JAZF1: variants seen among roughly 807,000 people sequenced by gnomAD.
JAZF1 encodes the protein JAZF zinc finger 1, also known as juxtaposed with another zinc finger protein 1.
A neutral mutation model predicts 26.4 loss-of-function variants in JAZF1; 8 were observed. The ratio of observed to expected loss-of-function variants is 0.30; its 90% CI spans 0.18 to 0.55. The LOEUF (loss-of-function observed/expected upper bound fraction) is 0.55. Among genes scored for constraint, JAZF1 ranks in the 20% least tolerant of loss-of-function variants. JAZF1 has a pLI of 0.94. For missense variants in JAZF1, 199 were observed against 322.0 expected, an observed-to-expected ratio of 0.62 and a Z score of 2.92; for synonymous variants, 126 against 122.3, an observed-to-expected ratio of 1.03 and a Z score of -0.20.
At chr7:28,090,881 C>T (rs1784284853) in intron 1 of JAZF1, among the ~76,000 whole-genome samples, 1 of 142,330 alleles carries the variant, frequency 7.0e-6, no homozygotes, top group African/African-American at 2.7e-5. Flanking sequence ...CTGCGGACTG[C>T]AGTGGCGCGA....
intron 1 of JAZF1, among the ~76,000 whole-genome samples, chr7:27,994,469 A>C (rs1293294464): frequency 1.5e-5 from 1 of 67,816 alleles, no homozygotes; most frequent in African/African-American, 4.9e-5. Flanking sequence ...AAACAAAAAA[A>C]AACACACACA....
intron 1 of JAZF1, among the ~76,000 whole-genome samples, chr7:28,014,584 C>T (rs1314022507): frequency 6.6e-6 from 1 of 152,224 alleles, no homozygotes; most frequent in Admixed American, 6.5e-5. Context: ...TAAGACATGA[C>T]TTGCTCCTCC....
chr7:28,152,451 T>A (rs1783126151), intron 1 of JAZF1, among the ~76,000 whole-genome samples: 1 of 152,216 alleles, frequency 6.6e-6, no homozygotes, highest in Non-Finnish European at 1.5e-5. Context: ...GTTACCCCAC[T>A]GTGCTACTGA....
At chr7:28,093,390 G>A (rs1262088556) in intron 1 of JAZF1, among the ~76,000 whole-genome samples, 2 of 152,152 alleles carry the variant, frequency 1.3e-5, no homozygotes, top group African/African-American at 2.4e-5. Flanking sequence ...ATGATTGTGA[G>A]GCCTCCCCAG....
chr7:27,992,150 A>C (rs1785919530), intron 1 of JAZF1, 169 bp from the exon 2 acceptor site: 3 of 681,226 alleles, frequency 4.4e-6, no homozygotes, highest in Non-Finnish European at 8.3e-6. Context: ...TCATTCATAA[A>C]TAACAAGATA....
chr7:28,157,349 T>C (rs1783202279), intron 1 of JAZF1, among the ~76,000 whole-genome samples: 1 of 152,212 alleles, frequency 6.6e-6, no homozygotes, highest in Admixed American at 6.5e-5. Context: ...ATTTTTGGCT[T>C]TGTGGGCCCT....
intron 1 of JAZF1, among the ~76,000 whole-genome samples, chr7:28,158,184 C>CAG (rs769527451): frequency 0.011 from 1,161 of 105,346 alleles, 5 homozygotes; most frequent in Non-Finnish European, 0.016. Context: ...CACACACACA[C>CAG]ACAGAGAGAG....
intron 2 of JAZF1, among the ~76,000 whole-genome samples, chr7:27,978,855 G>A (rs1016616986): frequency 6.6e-6 from 1 of 151,994 alleles, no homozygotes; most frequent in East Asian, 1.9e-4. Flanking sequence ...GTAAGTGTGT[G>A]AGGGCGTGAG....
intron 2 of JAZF1, among the ~76,000 whole-genome samples, chr7:27,949,326 C>T (rs1396569389): frequency 5.3e-5 from 8 of 152,182 alleles, no homozygotes; most frequent in East Asian, 3.9e-4. Flanking sequence ...TTTCTATTGT[C>T]GTGCCCTCCT....
At chr7:28,109,938 G>A (rs1235120674) in intron 1 of JAZF1, among the ~76,000 whole-genome samples, 3 of 152,288 alleles carry the variant, frequency 2.0e-5, no homozygotes, top group Admixed American at 6.5e-5. Flanking sequence ...AGTATCCAAC[G>A]AGAAGTTGTC....
intron 3 of JAZF1, among the ~76,000 whole-genome samples, chr7:27,854,958 T>C (rs117075832): frequency 0.076 from 11,503 of 152,284 alleles, 639 homozygotes; most frequent in Middle Eastern, 0.12. Context: ...AAGAGTGTTT[T>C]ACAACTTGGT....
intron 3 of JAZF1, among the ~76,000 whole-genome samples, chr7:27,890,764 T>G (rs565394513): frequency 2.0e-5 from 3 of 151,104 alleles, no homozygotes; most frequent in East Asian, 3.9e-4. Context: ...CTCTAAGTAA[T>G]TGTACTTTAG....
chr7:27,991,464 TG>T (rs1785902155), intron 2 of JAZF1, among the ~76,000 whole-genome samples: 1 of 152,198 alleles, frequency 6.6e-6, no homozygotes, highest in South Asian at 2.1e-4. Context: ...TTGTTGAGAA[TG>T]TTTTTACTAA....
intron 1 of JAZF1, chr7:28,020,498 C>T: frequency 2.2e-6 from 1 of 463,734 alleles, no homozygotes; most frequent in Non-Finnish European, 4.5e-6. Context: ...AGCCTATGAC[C>T]CCTAGGACTG....
intron 1 of JAZF1, among the ~76,000 whole-genome samples, chr7:28,017,589 T>C (rs996426251): frequency 2.2e-4 from 34 of 152,214 alleles, no homozygotes; most frequent in Non-Finnish European, 2.6e-4. Flanking sequence ...TTAATCCATG[T>C]GGAACTGCAG....
In JAZF1 at chr7:28,164,249, T is replaced by C. The variant is rs141090674; in HGVS notation, c.115+16214A>G. ...GCCCCTGCAGACCAGATAGCATTAA[T>C]GCTTATTGTCTAAAGCTACTGAGTT... On this transcript the variant is annotated intron_variant, in intron 1 of 4. Transcript: ENST00000283928. 6.4e-4 allele frequency among the ~76,000 whole-genome samples: 98 copies of C among 152,372 alleles called. 1 individual carries two copies. The highest frequency in any genetic ancestry group is 1.2e-3 in the Non-Finnish European group (79 of 68,036).
intron 1 of JAZF1, among the ~76,000 whole-genome samples, chr7:28,023,272 T>C (rs1362641714): frequency 6.6e-6 from 1 of 152,204 alleles, no homozygotes; most frequent in Non-Finnish European, 1.5e-5. Flanking sequence ...CTTTCTCCAA[T>C]ATACCGAAGG....
rs572214335 is a variant in JAZF1 at position 28,123,797 on chromosome 7, A to C, written c.115+56666T>G. 2.2e-3 allele frequency among the ~76,000 whole-genome samples: 332 copies of C among 152,334 alleles called. 1 individual carries two copies. Among genetic ancestry groups the C allele is most frequent in the Non-Finnish European group, 3.5e-3 (241 of 68,016 alleles). On this transcript the variant is annotated intron_variant, in intron 1 of 4. Transcript: ENST00000283928. ...ATGACTCTTACTAAGGTCAGGAAAA[A>C]GTGGCCATAGAACAGATCCAAAAAG...
At chr7:28,102,793 T>C (rs1240973837) in intron 1 of JAZF1, among the ~76,000 whole-genome samples, 1 of 152,224 alleles carries the variant, frequency 6.6e-6, no homozygotes, top group Non-Finnish European at 1.5e-5. Context: ...AAAATTTTCA[T>C]ACATACTGAA....
Sources: gnomAD v4.1 joint callset for allele counts (sites outside exome capture counted in the v4.1 genomes callset) on GRCh38, gnomAD v4.1.1 for gene constraint, MANE v1.5 for transcripts, NCBI Gene and HGNC (gene_info 2026-07-23, HGNC 2026-07-21) for gene names.